ANXA7: variants seen among roughly 807,000 people sequenced by gnomAD.
ANXA7 encodes annexin A7.
Under a neutral mutation model 64.9 loss-of-function variants are expected in ANXA7, and 55 were observed. That is an observed-to-expected ratio of 0.85 (90% CI 0.68 to 1.06). ANXA7 has a LOEUF of 1.06. Ranked by LOEUF, ANXA7 falls within the 50% of genes least tolerant of loss-of-function variation. The pLI is 0.00. For missense variants in ANXA7, 548 were observed against 582.1 expected, an observed-to-expected ratio of 0.94 and a Z score of 0.60; for synonymous variants, 200 against 192.4, an observed-to-expected ratio of 1.04 and a Z score of -0.33.
intron 3 of ANXA7, 62 bp downstream of exon 3, chr10:73,398,119 G>C: frequency 6.6e-7 from 1 of 1,515,298 alleles, no homozygotes; most frequent in South Asian, 1.2e-5. Flanking sequence ...AGAGGATAAA[G>C]GGAGAAGGAA....
intron 7 of ANXA7, among the ~76,000 whole-genome samples, chr10:73,386,110 A>G (rs912834269): frequency 6.6e-6 from 1 of 151,074 alleles, no homozygotes; most frequent in Non-Finnish European, 1.5e-5. Flanking sequence ...GCTACTCGAG[A>G]GGCTGAGGCA....
At chr10:73,396,439 C>T in intron 5 of ANXA7, 80 bp downstream of exon 5, 1 of 1,027,548 alleles carries the variant, frequency 9.7e-7, no homozygotes, top group Non-Finnish European at 1.5e-6. Flanking sequence ...TTTCCTCCGA[C>T]CCATGGAAAC....
chr10:73,388,897 A>G (rs1026417050), intron 5 of ANXA7, among the ~76,000 whole-genome samples: 3 of 152,236 alleles, frequency 2.0e-5, no homozygotes, highest in Admixed American at 1.3e-4. Context: ...ATTATTATAC[A>G]TGAAATAAAT....
chr10:73,393,180 C>A (rs2055514303), intron 5 of ANXA7, among the ~76,000 whole-genome samples: 1 of 152,142 alleles, frequency 6.6e-6, no homozygotes, highest in African/African-American at 2.4e-5. Flanking sequence ...GAATTACAAA[C>A]CACTGCTCAA....
intron 1 of ANXA7, chr10:73,408,113 G>C (rs993894083): frequency 6.5e-6 from 1 of 152,792 alleles, no homozygotes; most frequent in Admixed American, 6.6e-5. Context: ...GAGCCAAGGA[G>C]TTAAAGACCA....
chr10:73,400,252 A>C (rs2055640102), intron 2 of ANXA7, among the ~76,000 whole-genome samples: 1 of 152,214 alleles, frequency 6.6e-6, no homozygotes, highest in African/African-American at 2.4e-5. Context: ...ACTTAGTAGC[A>C]CATTTATAAA....
In ANXA7 at chr10:73,398,206, T is replaced by A; in HGVS notation, c.234A>T (p.Pro78=). The A allele has an allele frequency of 5.0e-6, 8 of 1,613,262 alleles. No homozygotes were observed. The South Asian group carries it at 7.7e-5, about 16-fold the overall frequency. Residue 78 remains proline, a synonymous_variant, in exon 3 of 13, where the codon CCA becomes CCT. Coordinates refer to ENST00000372921, the MANE Select transcript of ANXA7 (RefSeq NM_001156.5). ...APGGYPGAPQ[P]GGAPSYPGVP... ...CTCCGGGATAGGATGGAGCTCCCCC[T>A]GGCTGTGGGGCACCAGGATAGCCTC... is the stretch of plus-strand genomic sequence containing the variant.
chr10:73,395,008 T>C (rs2055547515), intron 5 of ANXA7, among the ~76,000 whole-genome samples: 1 of 152,146 alleles, frequency 6.6e-6, no homozygotes, highest in Admixed American at 6.5e-5. Context: ...ATAACAAAAG[T>C]GATTACAGGT....
chr10:73,409,496 A>AG (rs2132704797), intron 1 of ANXA7, among the ~76,000 whole-genome samples: 1 of 152,352 alleles, frequency 6.6e-6, no homozygotes, highest in South Asian at 2.1e-4. Flanking sequence ...GGAGAACTAC[A>AG]AAATACTGCT....
intron 5 of ANXA7, among the ~76,000 whole-genome samples, chr10:73,391,082 C>T (rs963191637): frequency 2.0e-5 from 3 of 151,084 alleles, no homozygotes; most frequent in East Asian, 1.9e-4. Context: ...GCAGGAGAAT[C>T]ACTTGAACCC....
chr10:73,410,057 T>C (rs2055815538), intron 1 of ANXA7, among the ~76,000 whole-genome samples: 1 of 151,960 alleles, frequency 6.6e-6, no homozygotes, highest in Admixed American at 6.6e-5. Flanking sequence ...CTATAAAAAT[T>C]CTAGAACATT....
intron 5 of ANXA7, among the ~76,000 whole-genome samples, chr10:73,390,902 T>C (rs1356432008): frequency 6.6e-6 from 1 of 151,870 alleles, no homozygotes; most frequent in Non-Finnish European, 1.5e-5. Flanking sequence ...CTGGGCACAG[T>C]GGCTCATGCC....
At chr10:73,389,005 A>G (rs924380385) in intron 5 of ANXA7, among the ~76,000 whole-genome samples, 1 of 152,246 alleles carries the variant, frequency 6.6e-6, no homozygotes, top group Non-Finnish European at 1.5e-5. Flanking sequence ...TGGCAAAAGT[A>G]TAAAGAAACA....
chr10:73,385,823 A>G (rs1399306361), intron 7 of ANXA7, among the ~76,000 whole-genome samples: 1 of 152,172 alleles, frequency 6.6e-6, no homozygotes, highest in Admixed American at 6.5e-5. Context: ...GCAAAATAGA[A>G]TAAGCAAGGT....
At chr10:73,396,981 A>G (rs1589658951) in intron 4 of ANXA7, among the ~76,000 whole-genome samples, 183 bp downstream of exon 4, 1 of 152,214 alleles carries the variant, frequency 6.6e-6, no homozygotes, top group East Asian at 1.9e-4. Flanking sequence ...CTTTATCTCT[A>G]TTTTACTGAT....
chr10:73,386,031 T>C (rs971259261), intron 7 of ANXA7, among the ~76,000 whole-genome samples: 3 of 152,062 alleles, frequency 2.0e-5, no homozygotes, highest in African/African-American at 7.2e-5. Flanking sequence ...CTTGCTAACA[T>C]GGCAAAATCC....
Position 73,396,067 on chromosome 10 carries a change from C to T in ANXA7, c.435+452G>A, listed in dbSNP as rs149924138. 1,250 of 1,594,888 alleles carry T rather than the reference C, an allele frequency of 7.8e-4. 2 individuals are homozygous for T. The highest frequency in any genetic ancestry group is 9.2e-4 in the Non-Finnish European group (1,074 of 1,162,938). ...ACTTCACTGCTATAATCCAAAGAAA[C>T]AGGAGAGAAAACAGGATAGGAAGAA... On this transcript the variant is annotated intron_variant, in intron 5 of 12. Coordinates refer to ENST00000372921, the MANE Select transcript of ANXA7 (RefSeq NM_001156.5).
At chr10:73,380,452 TAG>T (rs2055258277) in intron 9 of ANXA7, among the ~76,000 whole-genome samples, 1 of 152,090 alleles carries the variant, frequency 6.6e-6, no homozygotes, top group Non-Finnish European at 1.5e-5. Context: ...TTATTTTTTG[TAG>T]AGACAGCATG....
chr10:73,406,948 G>A (rs1045884142), intron 1 of ANXA7, among the ~76,000 whole-genome samples: 2 of 152,066 alleles, frequency 1.3e-5, no homozygotes, highest in African/African-American at 2.4e-5. Context: ...ACCATTCCCA[G>A]CATTCCTTTG....
Sources: allele counts gnomAD v4.1 joint callset (sites outside exome capture counted in the v4.1 genomes callset), GRCh38; gene constraint gnomAD v4.1.1; transcripts MANE v1.5; gene names NCBI Gene and HGNC (gene_info 2026-07-23, HGNC 2026-07-21).